The following ZNF521 variants were observed in gnomAD, a reference collection of about 807,000 sequenced individuals.
ZNF521 encodes the protein zinc finger protein 521.
Under a neutral mutation model 105.5 loss-of-function variants are expected in ZNF521, and 14 were observed. The ratio of observed to expected loss-of-function variants is 0.13; its 90% confidence interval spans 0.09 to 0.21. The LOEUF (loss-of-function observed/expected upper bound fraction) is 0.21, where lower values mean the gene tolerates loss of function less well. Among genes scored for constraint, ZNF521 ranks in the 10% least tolerant of loss-of-function variants. ZNF521 has a pLI of 1.00. For missense variants in ZNF521, 1,233 were observed against 1,629.7 expected, an observed-to-expected ratio of 0.76 and a Z score of 4.19; for synonymous variants, 635 against 606.0, an observed-to-expected ratio of 1.05 and a Z score of -0.70.
intron 5 of ZNF521, among the ~76,000 whole-genome samples, chr18:25,167,474 A>G (rs913830998): frequency 8.5e-5 from 13 of 152,232 alleles, no homozygotes; most frequent in African/African-American, 3.1e-4. Flanking sequence ...CTACCTGACC[A>G]AAATTCTTGA....
At chr18:25,253,865 G>T (rs571620851) in intron 3 of ZNF521, among the ~76,000 whole-genome samples, 20 of 152,158 alleles carry the variant, frequency 1.3e-4, no homozygotes, top group Non-Finnish European at 2.8e-4. Flanking sequence ...AGCAGATGTG[G>T]GGGGGAACTA....
chr18:25,269,106 C>CA (rs199827639), intron 3 of ZNF521, among the ~76,000 whole-genome samples: 7,916 of 60,658 alleles, frequency 0.13, 484 homozygotes, highest in East Asian at 0.29. Flanking sequence ...AAATGGAAAG[C>CA]AAAAAAAAAA....
At chr18:25,263,701 G>T (rs946976160) in intron 3 of ZNF521, among the ~76,000 whole-genome samples, 1 of 152,132 alleles carries the variant, frequency 6.6e-6, no homozygotes, top group African/African-American at 2.4e-5. Context: ...TCAGCGTCCT[G>T]AATAGCTGGG....
chr18:25,112,799 A>G (rs2034219142), intron 5 of ZNF521, among the ~76,000 whole-genome samples: 1 of 152,148 alleles, frequency 6.6e-6, no homozygotes. Flanking sequence ...TTTGCCCAAG[A>G]CAGACCAGTA....
chr18:25,315,483 T>C (rs1211055825), intron 3 of ZNF521: 2 of 152,148 alleles, frequency 1.3e-5, no homozygotes, highest in Admixed American at 6.5e-5. Flanking sequence ...TCCAGAAAAA[T>C]ATGCAAATAC....
At chr18:25,068,536 T>C (rs779214537) in intron 7 of ZNF521, among the ~76,000 whole-genome samples, 40 of 152,102 alleles carry the variant, frequency 2.6e-4, no homozygotes, top group Non-Finnish European at 4.4e-4. Context: ...AAGCAATTGG[T>C]TTCCCACAGG....
chr18:25,297,605 A>G (rs1911397085), intron 3 of ZNF521, among the ~76,000 whole-genome samples: 1 of 152,182 alleles, frequency 6.6e-6, no homozygotes, highest in Admixed American at 6.5e-5. Flanking sequence ...ATGAAAGTTC[A>G]TATTACTGGC....
chr18:25,142,060 A>G (rs2034858779), intron 5 of ZNF521, among the ~76,000 whole-genome samples: 1 of 152,154 alleles, frequency 6.6e-6, no homozygotes, highest in South Asian at 2.1e-4. Context: ...TGTTTTTCCT[A>G]AAGGGCTGTT....
intron 7 of ZNF521, among the ~76,000 whole-genome samples, 170 bp from the exon 8 acceptor site, chr18:25,062,911 G>A (rs1417991089): frequency 6.6e-6 from 1 of 152,002 alleles, no homozygotes; most frequent in African/African-American, 2.4e-5. Context: ...TAGTGCTCAT[G>A]GGTGCCCTCT....
intron 5 of ZNF521, among the ~76,000 whole-genome samples, chr18:25,133,799 CT>C (rs1026482459): frequency 8.3e-4 from 125 of 150,500 alleles, no homozygotes; most frequent in Non-Finnish European, 2.7e-4. Flanking sequence ...CTTAGGGTCT[CT>C]TTTTTTTTAA....
intron 3 of ZNF521, among the ~76,000 whole-genome samples, chr18:25,232,880 C>T (rs1012866394): frequency 1.3e-5 from 2 of 152,152 alleles, no homozygotes; most frequent in Non-Finnish European, 2.9e-5. Flanking sequence ...ACTTGCCTTA[C>T]ATAATTGTTT....
chr18:25,224,877 C>T lies in ZNF521; in HGVS notation c.3041G>A (p.Arg1014Lys). Residue 1014 changes from arginine to lysine, a missense_variant, in exon 4 of 8, where the codon AGG (arginine) becomes AAG (lysine). Around this residue, in one of 6 missense-constraint regions of ZNF521, gnomAD observed 614 missense variants for 751.5 expected, o/e 0.82. Transcript: ENST00000361524. ...LEHCQMHPDL[R>K]NSLTGFRCVV... ...GCAGCGAAAGCCTGTCAGGGAATTC[C>T]TCAAGTCAGGGTGCATTTGGCAATG... The T allele has an allele frequency of 6.2e-7, 1 of 1,614,008 alleles. No homozygotes were observed.
intron 3 of ZNF521, among the ~76,000 whole-genome samples, chr18:25,267,099 G>C (rs1228494775): frequency 6.6e-6 from 1 of 152,088 alleles, no homozygotes; most frequent in Admixed American, 6.5e-5. Context: ...GGGGAGGGGC[G>C]TCCGCCATTG....
intron 3 of ZNF521, among the ~76,000 whole-genome samples, chr18:25,315,956 T>C (rs544339715): frequency 1.3e-5 from 2 of 152,296 alleles, no homozygotes; most frequent in African/African-American, 4.8e-5. Context: ...TTTCTGTTAT[T>C]TTGCAAATCA....
chr18:25,322,535 C>CCAAA (rs1912992016), intron 2 of ZNF521, among the ~76,000 whole-genome samples: 1 of 107,340 alleles, frequency 9.3e-6, no homozygotes, highest in Non-Finnish European at 1.9e-5. Context: ...GTCTCCAATG[C>CCAAA]AAAAAAAAAA....
chr18:25,108,286 G>C (rs1159514224), intron 5 of ZNF521, among the ~76,000 whole-genome samples: 1 of 152,114 alleles, frequency 6.6e-6, no homozygotes, highest in African/African-American at 2.4e-5. Flanking sequence ...TTTTTTCAAT[G>C]ACTTAATTTA....
At chr18:25,275,948 T>C (rs1910004918) in intron 3 of ZNF521, among the ~76,000 whole-genome samples, 1 of 152,174 alleles carries the variant, frequency 6.6e-6, no homozygotes, top group Non-Finnish European at 1.5e-5. Flanking sequence ...GAAGCTGCTA[T>C]TGATGGCGGA....
At chr18:25,099,610 TA>T (rs1269108821) in intron 5 of ZNF521, among the ~76,000 whole-genome samples, 9 of 152,218 alleles carry the variant, frequency 5.9e-5, no homozygotes, top group African/African-American at 2.2e-4. Context: ...GAAGTCTCTA[TA>T]CCGTACATCC....
intron 3 of ZNF521, among the ~76,000 whole-genome samples, chr18:25,248,324 A>G (rs891035757): frequency 1.3e-5 from 2 of 152,238 alleles, no homozygotes; most frequent in African/African-American, 4.8e-5. Context: ...TTACCCAGGA[A>G]GAACATCTGC....
Sources: gnomAD v4.1 joint callset for allele counts (sites outside exome capture counted in the v4.1 genomes callset) on GRCh38, gnomAD v4.1.1 for gene constraint, gnomAD v4.1.1 regional missense constraint, MANE v1.5 for transcripts, NCBI Gene and HGNC (gene_info 2026-07-23, HGNC 2026-07-21) for gene names.